Variants in TADA2A observed in about 807,000 individuals in gnomAD.
The protein encoded by TADA2A is transcriptional adaptor 2A.
A neutral mutation model predicts 67.4 loss-of-function variants in TADA2A; 38 were observed. The observed-to-expected ratio is 0.56, with a 90% CI of 0.44 to 0.74. The LOEUF (loss-of-function observed/expected upper bound fraction) is 0.74. Ranked by LOEUF, TADA2A falls within the 30% of genes least tolerant of loss-of-function variation. The pLI is 0.00. For missense variants in TADA2A, 454 were observed against 547.0 expected, an observed-to-expected ratio of 0.83 and a Z score of 1.70; for synonymous variants, 192 against 181.6, an observed-to-expected ratio of 1.06 and a Z score of -0.46.
intron 7 of TADA2A, among the ~76,000 whole-genome samples, chr17:37,443,506 G>A (rs1169041239): frequency 6.6e-6 from 1 of 152,026 alleles, no homozygotes; most frequent in Non-Finnish European, 1.5e-5. Flanking sequence ...CACCAGCCTC[G>A]GCCTCCCAAA....
intron 8 of TADA2A, among the ~76,000 whole-genome samples, chr17:37,452,129 C>T (rs540797733): frequency 2.6e-5 from 4 of 152,112 alleles, no homozygotes; most frequent in African/African-American, 7.2e-5. Flanking sequence ...TATGGCCAGG[C>T]GCGATGGCTC....
chr17:37,411,249 C>T lies in TADA2A; in HGVS notation c.-97-20C>T. On this transcript the variant is annotated intron_variant, in intron 1 of 15. Transcript: ENST00000615182. ...TTTGAATGATTTTCTGATCCATGTG[C>T]CACTTTTGTTTGTTCCTAGGGAGTC... The T allele has an allele frequency of 1.1e-6, 1 of 874,948 alleles. No homozygotes were observed. The allele number at this position is 874,948 out of a possible 1,614,324, so 54.2% of individuals were successfully genotyped here.
At chr17:37,425,880 C>T (rs2052390575) in intron 3 of TADA2A, among the ~76,000 whole-genome samples, 1 of 149,082 alleles carries the variant, frequency 6.7e-6, no homozygotes, top group Non-Finnish European at 1.5e-5. Flanking sequence ...TGGTCTGGAA[C>T]TCTTGAGCTC....
intron 15 of TADA2A, among the ~76,000 whole-genome samples, chr17:37,475,134 A>G (rs1318568353): frequency 6.6e-6 from 1 of 151,634 alleles, no homozygotes; most frequent in Non-Finnish European, 1.5e-5. Flanking sequence ...AGTCATGTTA[A>G]TTTTGATTTT....
chr17:37,413,961 C>G (rs2051959769), intron 2 of TADA2A, among the ~76,000 whole-genome samples: 1 of 152,074 alleles, frequency 6.6e-6, no homozygotes, highest in Non-Finnish European at 1.5e-5. Context: ...CACTGTTCAC[C>G]CTCAAGAAGG....
chr17:37,429,297 G>A (rs1259756468), intron 4 of TADA2A, among the ~76,000 whole-genome samples: 1 of 152,100 alleles, frequency 6.6e-6, no homozygotes, highest in Non-Finnish European at 1.5e-5. Context: ...GGTAATCCAG[G>A]ATAGTCTCTC....
rs766562982 is a variant in TADA2A, at chr17:37,426,939, T to C, written c.133-11T>C. 5.0e-6 allele frequency: 8 copies of C among 1,593,694 alleles called. No homozygotes were observed. Among genetic ancestry groups the C allele is most frequent in the Non-Finnish European group, 8.5e-7 (1 of 1,174,382 alleles). Reference sequence around the variant, plus strand: ...GTAGCTTTTGCTAATTTAATTTTTCTTTCTTTGCAGTGTTTCACTCGAGGC... The same window carrying C: ...GTAGCTTTTGCTAATTTAATTTTTCCTTCTTTGCAGTGTTTCACTCGAGGC... On this transcript the variant is annotated splice_polypyrimidine_tract_variant and intron_variant, in intron 3 of 15. Transcript: ENST00000615182.
At chr17:37,438,876 G>A (rs374626969) in intron 5 of TADA2A, among the ~76,000 whole-genome samples, 1 of 152,076 alleles carries the variant, frequency 6.6e-6, no homozygotes, top group African/African-American at 2.4e-5. Context: ...TTCTCTATCC[G>A]CTGTGGGTAA....
chr17:37,467,341 A>G, intron 11 of TADA2A, 113 bp from the exon 12 acceptor site: 4 of 794,682 alleles, frequency 5.0e-6, no homozygotes, highest in Non-Finnish European at 7.9e-6. Flanking sequence ...TCTCCAAATG[A>G]ACTTCCCTAG....
At chr17:37,451,844 CATG>C (rs1483783143) in intron 8 of TADA2A, among the ~76,000 whole-genome samples, 3 of 151,864 alleles carry the variant, frequency 2.0e-5, no homozygotes, top group East Asian at 2.0e-4. Flanking sequence ...ATTAGCCAGA[CATG>C]GTGGTGGGCA....
At chr17:37,476,454 G>T (rs980867342) in intron 15 of TADA2A, among the ~76,000 whole-genome samples, 2 of 152,162 alleles carry the variant, frequency 1.3e-5, no homozygotes, top group African/African-American at 4.8e-5. Context: ...CATTGGTGCT[G>T]GGACTGTACC....
intron 3 of TADA2A, among the ~76,000 whole-genome samples, chr17:37,424,385 C>T (rs1013788046): frequency 2.6e-5 from 4 of 150,944 alleles, no homozygotes; most frequent in South Asian, 4.2e-4. Flanking sequence ...GACGAAGTCT[C>T]GCTGTGTCAC....
At chr17:37,441,815 T>C in intron 6 of TADA2A, among the ~76,000 whole-genome samples, 1 of 152,030 alleles carries the variant, frequency 6.6e-6, no homozygotes, top group East Asian at 1.9e-4. Context: ...CACAGGTGCA[T>C]GCCACCACAC....
At chr17:37,437,925 AT>A in intron 5 of TADA2A, 96 bp downstream of exon 5, 1 of 1,168,076 alleles carries the variant, frequency 8.6e-7, no homozygotes, top group Non-Finnish European at 1.3e-6. Context: ...AAGAGAAAGT[AT>A]GTGTTGCTTT....
intron 14 of TADA2A, 50 bp from the exon 15 acceptor site, chr17:37,474,506 G>A: frequency 6.3e-7 from 1 of 1,580,174 alleles, no homozygotes; most frequent in South Asian, 1.1e-5. Flanking sequence ...TTACACCTGA[G>A]AAATTGTCAC....
At chr17:37,410,335 G>A (rs536328218) in intron 1 of TADA2A, among the ~76,000 whole-genome samples, 1 of 137,384 alleles carries the variant, frequency 7.3e-6, no homozygotes, top group South Asian at 2.5e-4. Flanking sequence ...ACTGTACCCG[G>A]CTAACTTTTT....
intron 1 of TADA2A, among the ~76,000 whole-genome samples, chr17:37,410,558 G>C (rs139903657): frequency 6.6e-6 from 1 of 152,036 alleles, no homozygotes; most frequent in East Asian, 1.9e-4. Flanking sequence ...ACAGAAACTC[G>C]TTCAGTCTTA....
intron 10 of TADA2A, among the ~76,000 whole-genome samples, chr17:37,464,740 A>C (rs1211422848): frequency 6.6e-6 from 1 of 150,776 alleles, no homozygotes; most frequent in African/African-American, 2.4e-5. Flanking sequence ...TGGGAGGCTG[A>C]GACAGGAAAA....
chr17:37,414,983 C>T (rs768738693), intron 2 of TADA2A, among the ~76,000 whole-genome samples: 7 of 151,996 alleles, frequency 4.6e-5, no homozygotes, highest in Non-Finnish European at 1.0e-4. Context: ...GTCTCCACCT[C>T]CTGGATTCAG....
Sources: allele counts gnomAD v4.1 joint callset (sites outside exome capture counted in the v4.1 genomes callset), GRCh38; gene constraint gnomAD v4.1.1; transcripts MANE v1.5; gene names NCBI Gene and HGNC (gene_info 2026-07-23, HGNC 2026-07-21).